CACNB2: variants seen among roughly 807,000 people sequenced by gnomAD.
CACNB2 encodes voltage-dependent L-type calcium channel subunit beta-2.
In CACNB2, 42 loss-of-function variants were observed where a neutral mutation model predicts 73.3. The observed-to-expected ratio is 0.57, with a 90% CI of 0.45 to 0.74. The LOEUF is 0.74. CACNB2 is among the 30% of genes least tolerant of loss of function. The pLI, the probability that CACNB2 is intolerant of heterozygous loss-of-function variation, is 0.00. For synonymous variants in CACNB2, 348 were observed against 310.3 expected (o/e 1.12, Z -1.28); for missense variants, 940 against 853.0 (o/e 1.10, Z -1.27).
At chr10:18,458,206 G>A (rs2047381773) in intron 3 of CACNB2, among the ~76,000 whole-genome samples, 2 of 152,128 alleles carry the variant, frequency 1.3e-5, no homozygotes, top group South Asian at 4.1e-4. Context: ...AAGGTTTTCT[G>A]TTGCAAATGA....
Position 18,270,963 on chromosome 10 carries a change from C to T in CACNB2, c.213+119988C>T, listed in dbSNP as rs1260956514. 2.0e-5 allele frequency among the ~76,000 whole-genome samples: 3 copies of T among 152,140 alleles called. No individual in the cohort carries two copies. The East Asian group carries it at 5.8e-4, about 29-fold the overall frequency. The stretch of plus-strand genomic sequence containing the variant: ...TTTCACTACTACCTCTTTATTCCTA[C>T]TTGTCATTATAATATGTCGTTTTGG... On this transcript the variant is annotated intron_variant, in intron 2 of 13. Transcript: ENST00000324631.
At chr10:18,320,497 GA>G (rs2040361709) in intron 2 of CACNB2, among the ~76,000 whole-genome samples, 1 of 152,116 alleles carries the variant, frequency 6.6e-6, no homozygotes, top group Non-Finnish European at 1.5e-5. Context: ...GTCTTTGCAT[GA>G]AAAAAGACAC....
At chr10:18,238,335 G>T (rs1482761359) in intron 2 of CACNB2, 1 of 152,102 alleles carries the variant, frequency 6.6e-6, no homozygotes, top group South Asian at 2.1e-4. Flanking sequence ...GTATTCCAAG[G>T]TTGCCTTACT....
intron 2 of CACNB2, among the ~76,000 whole-genome samples, chr10:18,213,594 G>A (rs1157127181): frequency 1.3e-5 from 2 of 152,262 alleles, no homozygotes; most frequent in African/African-American, 4.8e-5. Flanking sequence ...GCAAACCAAA[G>A]CACTTTAGTA....
intron 3 of CACNB2, among the ~76,000 whole-genome samples, chr10:18,445,060 C>T (rs1327503381): frequency 6.6e-6 from 1 of 152,032 alleles, no homozygotes; most frequent in Non-Finnish European, 1.5e-5. Context: ...TTGAATTTGC[C>T]CCAGTTTTTC....
At chr10:18,408,722 G>C (rs569962107) in intron 3 of CACNB2, among the ~76,000 whole-genome samples, 1 of 152,272 alleles carries the variant, frequency 6.6e-6, no homozygotes, top group East Asian at 1.9e-4. Context: ...TTCTCTTGCT[G>C]GATCACGTGT....
At chr10:18,520,148 G>C (rs1004056540) in intron 9 of CACNB2, 14 of 190,394 alleles carry the variant, frequency 7.4e-5, no homozygotes, top group Non-Finnish European at 1.3e-4. Context: ...CTAAATTCTA[G>C]ACCCATGTAT....
intron 3 of CACNB2, among the ~76,000 whole-genome samples, chr10:18,439,824 A>AC (rs1414842963): frequency 1.3e-5 from 2 of 152,164 alleles, no homozygotes; most frequent in Non-Finnish European, 2.9e-5. Flanking sequence ...ACTGCATGCC[A>AC]GTGATCTCCC....
intron 2 of CACNB2, among the ~76,000 whole-genome samples, chr10:18,374,338 G>GC (rs1279997051): frequency 6.6e-6 from 1 of 152,190 alleles, no homozygotes; most frequent in Admixed American, 6.5e-5. Context: ...AAGAGAGAGG[G>GC]ATTGATCCTG....
At chr10:18,260,562 C>T (rs781365061) in intron 2 of CACNB2, 2 of 985,664 alleles carry the variant, frequency 2.0e-6, no homozygotes, top group Admixed American at 6.1e-5. Context: ...AAGCATCTGA[C>T]GGTTTGGAGG....
At chr10:18,519,619 T>C (rs997183086) in intron 9 of CACNB2, 1 of 436,392 alleles carries the variant, frequency 2.3e-6, no homozygotes, top group African/African-American at 2.0e-5. Context: ...GTATTTCCTG[T>C]TCTAATGGAA....
At chr10:18,289,586 G>T (rs556496875) in intron 2 of CACNB2, among the ~76,000 whole-genome samples, 7 of 151,880 alleles carry the variant, frequency 4.6e-5, no homozygotes, top group Admixed American at 4.6e-4. Flanking sequence ...GAGCCACCGC[G>T]CCCGGCCAAA....
In CACNB2 at chr10:18,161,792, G is replaced by A. The variant is rs530241960; in HGVS notation, c.213+10817G>A. On this transcript the variant is annotated intron_variant, in intron 2 of 13. Coordinates refer to ENST00000324631, the MANE Select transcript of CACNB2 (RefSeq NM_201596.3). ...TATTTTTTAAAAATTAGCCGGGCAT[G>A]GTGGTGGGCACCTGTAATCCCAGCT... 1.2e-4 allele frequency among the ~76,000 whole-genome samples: 18 copies of A among 152,110 alleles called. No individual in the cohort carries two copies. The South Asian group carries it at 3.7e-3, about 32-fold the overall frequency.
intron 2 of CACNB2, among the ~76,000 whole-genome samples, chr10:18,173,313 G>A (rs775978413): frequency 2.4e-4 from 37 of 152,214 alleles, no homozygotes; most frequent in Non-Finnish European, 4.3e-4. Flanking sequence ...ATGGGATTCT[G>A]ACACTTACAA....
chr10:18,141,360 G>A, intron 1 of CACNB2: 2 of 774,824 alleles, frequency 2.6e-6, no homozygotes, highest in Non-Finnish European at 4.4e-6. Flanking sequence ...ATATGGGGGT[G>A]CCCTGCCGGA....
At position 18,399,419 on chromosome 10, in the gene CACNB2, A is replaced by G. The variant is rs75133047; in HGVS notation, c.214-2505A>G. On this transcript the variant is annotated intron_variant, in intron 2 of 13. Transcript: ENST00000324631. ...TATTAATTTACGTCAAGATACCACA[A>G]TTGAGGTACAACTGATCACTAACTT... is the stretch of plus-strand genomic sequence containing the variant. 3.2e-3 allele frequency among the ~76,000 whole-genome samples: 487 copies of G among 152,306 alleles called. 4 individuals are homozygous for G. The highest frequency in any genetic ancestry group is 0.023 in the East Asian group (119 of 5,180).
intron 2 of CACNB2, among the ~76,000 whole-genome samples, chr10:18,260,018 A>G (rs1392878783): frequency 6.6e-6 from 1 of 152,236 alleles, no homozygotes; most frequent in Non-Finnish European, 1.5e-5. Context: ...GAAATCATTA[A>G]CATACCTTCT....
intron 3 of CACNB2, among the ~76,000 whole-genome samples, chr10:18,479,123 A>C (rs1264794689): frequency 6.6e-6 from 1 of 152,134 alleles, no homozygotes; most frequent in East Asian, 1.9e-4. Flanking sequence ...CAAAATACCT[A>C]TATATTTTAT....
At chr10:18,464,976 T>G (rs1364170776) in intron 3 of CACNB2, among the ~76,000 whole-genome samples, 1 of 152,188 alleles carries the variant, frequency 6.6e-6, no homozygotes, top group Admixed American at 6.5e-5. Flanking sequence ...TGACTTCGTC[T>G]TGGGACTTGT....
Sources: gnomAD v4.1 joint callset for allele counts (sites outside exome capture counted in the v4.1 genomes callset) on GRCh38, gnomAD v4.1.1 for gene constraint, MANE v1.5 for transcripts, NCBI Gene and HGNC (gene_info 2026-07-23, HGNC 2026-07-21) for gene names.